Variants in LRFN5 observed in about 807,000 individuals in gnomAD.
LRFN5 encodes the protein leucine rich repeat and fibronectin type III domain containing 5.
A neutral mutation model predicts 45.6 loss-of-function variants in LRFN5; 24 were observed. The observed-to-expected ratio is 0.53, with a 90% CI of 0.38 to 0.74. The LOEUF is 0.74. LRFN5 is among the 30% of genes least tolerant of loss of function. The pLI, the probability that LRFN5 is intolerant of heterozygous loss-of-function variation, is 0.00. For missense variants in LRFN5, 776 were observed against 861.5 expected (o/e 0.90, Z 1.24); for synonymous variants, 340 against 313.8 (o/e 1.08, Z -0.88).
chr14:41,899,879 C>T (rs1259172594), intron 5 of LRFN5, among the ~76,000 whole-genome samples: 2 of 152,078 alleles, frequency 1.3e-5, no homozygotes, highest in African/African-American at 4.8e-5. Context: ...CAGCAGATGG[C>T]TCATTGGAAA....
rs534611431 is a variant in LRFN5 at position 41,606,934 on chromosome 14, C to T, written c.-1825C>T. Reference sequence around the variant, plus strand: ...GCTCAGTTCCACGCGGCCAGGAGGCCGCCGTTGCCCACACGCGACGCTTTG... The same window carrying T: ...GCTCAGTTCCACGCGGCCAGGAGGCTGCCGTTGCCCACACGCGACGCTTTG... On this transcript the variant is annotated 5_prime_UTR_variant, in exon 1 of 6. Transcript: ENST00000298119. Among the ~76,000 whole-genome samples, 1 of 152,076 alleles carries T rather than the reference C, an allele frequency of 6.6e-6. No individual in the cohort carries two copies. The highest frequency in any genetic ancestry group is 1.9e-4 in the East Asian group (1 of 5,132).
At chr14:41,752,901 T>C (rs373051001) in intron 1 of LRFN5, among the ~76,000 whole-genome samples, 5 of 152,106 alleles carry the variant, frequency 3.3e-5, no homozygotes, top group African/African-American at 7.2e-5. Context: ...GGTTTTAGGT[T>C]TAACATTTAA....
intron 4 of LRFN5, chr14:41,894,798 C>G (rs1158297410): frequency 1.0e-6 from 1 of 981,146 alleles, no homozygotes; most frequent in African/African-American, 1.8e-5. Context: ...TAGTACAATA[C>G]AGATTTGTTA....
intron 1 of LRFN5, among the ~76,000 whole-genome samples, chr14:41,739,109 G>A (rs1279636156): frequency 2.6e-5 from 4 of 152,118 alleles, no homozygotes; most frequent in Non-Finnish European, 5.9e-5. Flanking sequence ...GGAGCAGGCT[G>A]GACACAGTAG....
intron 2 of LRFN5, among the ~76,000 whole-genome samples, chr14:41,876,281 T>TC (rs1261461433): frequency 2.6e-5 from 3 of 117,330 alleles, no homozygotes; most frequent in African/African-American, 1.0e-4. Context: ...TTCTTTCTTT[T>TC]TTTTTTTTTT....
intron 2 of LRFN5, among the ~76,000 whole-genome samples, chr14:41,868,256 T>A (rs1956133496): frequency 6.6e-6 from 1 of 152,102 alleles, no homozygotes; most frequent in Non-Finnish European, 1.5e-5. Context: ...ACCTATTGAA[T>A]AGCAGATGAC....
chr14:41,770,337 T>C (rs2084347), intron 2 of LRFN5, among the ~76,000 whole-genome samples: 116,792 of 152,112 alleles, frequency 0.77, 45,279 homozygotes, highest in East Asian at 0.97. Flanking sequence ...AAAATACAAT[T>C]ATCGCTTGCC....
At chr14:41,612,902 T>C (rs1243580775) in intron 1 of LRFN5, among the ~76,000 whole-genome samples, 1 of 152,114 alleles carries the variant, frequency 6.6e-6, no homozygotes, top group Non-Finnish European at 1.5e-5. Context: ...TAACCAATGC[T>C]ACTTTTAAGC....
At chr14:41,844,317 G>A (rs1041888941) in intron 2 of LRFN5, among the ~76,000 whole-genome samples, 4 of 151,546 alleles carry the variant, frequency 2.6e-5, no homozygotes, top group Admixed American at 2.6e-4. Context: ...GGCACCTGTA[G>A]TCCCAGCTAC....
intron 2 of LRFN5, among the ~76,000 whole-genome samples, chr14:41,784,402 T>A (rs978550210): frequency 2.4e-4 from 37 of 152,000 alleles, no homozygotes; most frequent in African/African-American, 4.3e-4. Flanking sequence ...TCTTTTTTTT[T>A]AAAAAAACAC....
intron 2 of LRFN5, among the ~76,000 whole-genome samples, chr14:41,814,232 G>A (rs188753965): frequency 6.6e-6 from 1 of 152,104 alleles, no homozygotes; most frequent in East Asian, 1.9e-4. Flanking sequence ...TGAATTCTTT[G>A]CTTATGCCTA....
At chr14:41,667,871 A>G (rs1448014822) in intron 1 of LRFN5, among the ~76,000 whole-genome samples, 1 of 152,148 alleles carries the variant, frequency 6.6e-6, no homozygotes, top group Non-Finnish European at 1.5e-5. Flanking sequence ...GTTATTTGTG[A>G]TTCTTGAACA....
At chr14:41,754,571 C>T (rs970828076) in intron 1 of LRFN5, among the ~76,000 whole-genome samples, 2 of 152,096 alleles carry the variant, frequency 1.3e-5, no homozygotes, top group African/African-American at 4.8e-5. Flanking sequence ...TTATAGTATT[C>T]TCTGATGGTA....
At chr14:41,728,897 A>G (rs1053416786) in intron 1 of LRFN5, among the ~76,000 whole-genome samples, 2 of 152,192 alleles carry the variant, frequency 1.3e-5, no homozygotes, top group Non-Finnish European at 2.9e-5. Flanking sequence ...CCTTTTAGAA[A>G]TGAATTCACT....
intron 1 of LRFN5, among the ~76,000 whole-genome samples, chr14:41,618,219 T>G (rs1368700441): frequency 1.3e-5 from 2 of 152,202 alleles, no homozygotes; most frequent in Non-Finnish European, 2.9e-5. Flanking sequence ...TTCCTATCTG[T>G]AAGCTACGTT....
At chr14:41,808,417 A>AAGGG (rs1432666027) in intron 2 of LRFN5, among the ~76,000 whole-genome samples, 1 of 121,680 alleles carries the variant, frequency 8.2e-6, no homozygotes, top group African/African-American at 3.2e-5. Flanking sequence ...GAAAGGAAGG[A>AAGGG]AGGAAGGAAG....
chr14:41,710,748 T>A (rs902800196), intron 1 of LRFN5, among the ~76,000 whole-genome samples: 1 of 152,110 alleles, frequency 6.6e-6, no homozygotes, highest in Admixed American at 6.6e-5. Flanking sequence ...TAGGTATATC[T>A]CCTAATGTTA....
intron 1 of LRFN5, among the ~76,000 whole-genome samples, chr14:41,722,868 G>T (rs1883784879): frequency 1.3e-5 from 2 of 152,162 alleles, no homozygotes; most frequent in Non-Finnish European, 2.9e-5. Context: ...TGGGGGACAA[G>T]ATGGGTGGGG....
chr14:41,876,565 G>C, intron 2 of LRFN5, among the ~76,000 whole-genome samples: 1 of 151,748 alleles, frequency 6.6e-6, no homozygotes, highest in Non-Finnish European at 1.5e-5. Context: ...CAAAGTGTTG[G>C]GATTACAGGC....
Sources: gnomAD v4.1 joint callset for allele counts (sites outside exome capture counted in the v4.1 genomes callset) on GRCh38, gnomAD v4.1.1 for gene constraint, MANE v1.5 for transcripts, NCBI Gene and HGNC (gene_info 2026-07-23, HGNC 2026-07-21) for gene names.